SPIDR: variants seen among roughly 807,000 people sequenced by gnomAD.
SPIDR encodes DNA repair-scaffolding protein.
Under a neutral mutation model 104.6 loss-of-function variants are expected in SPIDR, and 93 were observed. That is an observed-to-expected ratio of 0.89 (90% CI 0.75 to 1.06). The LOEUF is 1.06. SPIDR is among the 50% of genes least tolerant of loss of function. The pLI is 0.00. For synonymous variants in SPIDR, 431 were observed against 416.9 expected (o/e 1.03, Z -0.41); for missense variants, 1,154 against 1,111.2 (o/e 1.04, Z -0.55).
At chr8:47,729,164 G>T in intron 18 of SPIDR, 117 bp downstream of exon 18, 1 of 1,534,134 alleles carries the variant, frequency 6.5e-7, no homozygotes, top group Non-Finnish European at 8.7e-7. Flanking sequence ...CTGGGACTCG[G>T]CTGGGATGGC....
intron 2 of SPIDR, among the ~76,000 whole-genome samples, chr8:47,283,557 GAC>G (rs1377605236): frequency 6.6e-6 from 1 of 152,194 alleles, no homozygotes; most frequent in Admixed American, 6.5e-5. Context: ...AGAATTGCTT[GAC>G]ACAGGATTGC....
At chr8:47,357,193 C>T (rs1554626327) in intron 5 of SPIDR, among the ~76,000 whole-genome samples, 1 of 151,824 alleles carries the variant, frequency 6.6e-6, no homozygotes, top group African/African-American at 2.4e-5. Flanking sequence ...TATAAGAGAA[C>T]AGATAAGATT....
intron 7 of SPIDR, among the ~76,000 whole-genome samples, chr8:47,431,393 G>A (rs1211055923): frequency 6.6e-6 from 1 of 152,186 alleles, no homozygotes; most frequent in Non-Finnish European, 1.5e-5. Context: ...CTGTTGTTTG[G>A]CTTAACTTCG....
rs554211479 is a variant in SPIDR, at chr8:47,548,580, T to G, written c.1098-47231T>G. ...GGAGAATCACTTGAACCTGGGAGGC[T>G]GAAGTTGCAGTCAGCTGCGATTGCA... is the stretch of plus-strand genomic sequence containing the variant. On this transcript the variant is annotated intron_variant, in intron 8 of 19. Coordinates refer to ENST00000297423, the MANE Select transcript of SPIDR (RefSeq NM_001080394.4). Among the ~76,000 whole-genome samples, 421 of 152,276 alleles carry G rather than the reference T, an allele frequency of 2.8e-3. 1 individual carries two copies. Among genetic ancestry groups the G allele is most frequent in the African/African-American group, 9.9e-3 (411 of 41,568 alleles).
chr8:47,364,442 T>G (rs560329492), intron 5 of SPIDR, among the ~76,000 whole-genome samples: 1 of 152,194 alleles, frequency 6.6e-6, no homozygotes, highest in African/African-American at 2.4e-5. Context: ...TTCCAAGAAG[T>G]GTTTTTGATG....
rs922977846 is a variant in SPIDR at position 47,659,680 on chromosome 8, C to T, written c.1545-14121C>T. The T allele has an allele frequency of 2.0e-5, 20 of 985,096 alleles. No homozygotes were observed. The East Asian group carries it at 5.7e-4, about 28-fold the overall frequency. 61.0% of individuals were successfully genotyped at this position (985,096 alleles called of 1,614,324 possible). ...GCCCCCGCCTTTTCTCAGCGGCTCC[C>T]TTGCGCTCAGGTTCCAGCCCTCTTC... On this transcript the variant is annotated intron_variant, in intron 10 of 19. Transcript: ENST00000297423.
intron 8 of SPIDR, among the ~76,000 whole-genome samples, chr8:47,586,683 C>T (rs1489174104): frequency 6.6e-6 from 1 of 152,184 alleles, no homozygotes; most frequent in Non-Finnish European, 1.5e-5. Context: ...ATGTCTCTAG[C>T]TTGTCTTTCC....
chr8:47,539,773 A>C (rs1041050240), intron 8 of SPIDR, among the ~76,000 whole-genome samples: 2 of 150,804 alleles, frequency 1.3e-5, no homozygotes, highest in Admixed American at 1.3e-4. Flanking sequence ...CCTTTTCCCA[A>C]GGGATGCTAT....
intron 5 of SPIDR, among the ~76,000 whole-genome samples, chr8:47,360,244 C>CA (rs1186187617): frequency 0.73 from 28,259 of 38,884 alleles, 10,917 homozygotes; most frequent in East Asian, 0.8. Flanking sequence ...GACTCCATCT[C>CA]AAAAAAAAAA....
intron 8 of SPIDR, among the ~76,000 whole-genome samples, chr8:47,566,636 A>G (rs1215326564): frequency 6.6e-6 from 1 of 151,954 alleles, no homozygotes; most frequent in African/African-American, 2.4e-5. Context: ...TCTGTCGCAC[A>G]GGCTAGAGTG....
intron 19 of SPIDR, among the ~76,000 whole-genome samples, chr8:47,734,540 G>A (rs2279431): frequency 0.021 from 3,273 of 152,256 alleles, 99 homozygotes; most frequent in East Asian, 0.088. Flanking sequence ...CTTGCACAGA[G>A]GAGGAGTGTG....
intron 10 of SPIDR, among the ~76,000 whole-genome samples, chr8:47,634,190 C>T (rs990566192): frequency 6.6e-6 from 1 of 152,030 alleles, no homozygotes; most frequent in Non-Finnish European, 1.5e-5. Context: ...CATGGTGGCT[C>T]ATGCCTGTAA....
At chr8:47,556,281 A>G (rs2091312283) in intron 8 of SPIDR, among the ~76,000 whole-genome samples, 1 of 152,204 alleles carries the variant, frequency 6.6e-6, no homozygotes, top group Non-Finnish European at 1.5e-5. Context: ...TCACTGGCTT[A>G]GCTTCCCTAA....
intron 5 of SPIDR, among the ~76,000 whole-genome samples, chr8:47,327,750 A>C (rs927334808): frequency 2.6e-5 from 4 of 152,182 alleles, no homozygotes; most frequent in Middle Eastern, 3.4e-3. Context: ...TTTAGTAGAC[A>C]CGGGGTTTCA....
intron 5 of SPIDR, among the ~76,000 whole-genome samples, chr8:47,341,239 G>C (rs1400799978): frequency 6.6e-6 from 1 of 152,198 alleles, no homozygotes; most frequent in African/African-American, 2.4e-5. Flanking sequence ...AACCTTTCCT[G>C]ACATATTTGT....
chr8:47,628,702 C>G (rs2066583006), intron 10 of SPIDR, among the ~76,000 whole-genome samples: 1 of 152,098 alleles, frequency 6.6e-6, no homozygotes. Flanking sequence ...AAAAAAAACT[C>G]CTGTCCCAAG....
intron 8 of SPIDR, among the ~76,000 whole-genome samples, chr8:47,505,858 T>C (rs1011677780): frequency 2.6e-5 from 4 of 152,224 alleles, no homozygotes; most frequent in Non-Finnish European, 4.4e-5. Context: ...CGTTACCTTT[T>C]GTGAATTTTT....
chr8:47,608,485 G>GTAAC (rs772678050), intron 10 of SPIDR, among the ~76,000 whole-genome samples: 11 of 152,096 alleles, frequency 7.2e-5, no homozygotes, highest in Non-Finnish European at 1.3e-4. Flanking sequence ...GAGTCATAAG[G>GTAAC]TAACTCTATG....
chr8:47,451,705 G>T (rs781968325), intron 8 of SPIDR, among the ~76,000 whole-genome samples: 24 of 152,088 alleles, frequency 1.6e-4, no homozygotes, highest in Admixed American at 6.6e-4. Flanking sequence ...GAAGCAGAAT[G>T]AAAAAAATGA....
Sources: gnomAD v4.1 joint callset for allele counts (sites outside exome capture counted in the v4.1 genomes callset) on GRCh38, gnomAD v4.1.1 for gene constraint, MANE v1.5 for transcripts, NCBI Gene and HGNC (gene_info 2026-07-23, HGNC 2026-07-21) for gene names.